The following SULF2 variants were observed in gnomAD, a reference collection of about 807,000 sequenced individuals.
SULF2 encodes the protein sulfatase 2.
In SULF2, 52 loss-of-function variants were observed where a neutral mutation model predicts 107.7. The observed-to-expected ratio is 0.48, with a 90% CI of 0.39 to 0.61. SULF2 has a LOEUF of 0.61. Among genes scored for constraint, SULF2 ranks in the 20% least tolerant of loss-of-function variants. SULF2 has a pLI of 0.00. For missense variants in SULF2, 993 were observed against 1,177.3 expected, an observed-to-expected ratio of 0.84 and a Z score of 2.29; for synonymous variants, 460 against 464.3, an observed-to-expected ratio of 0.99 and a Z score of 0.12.
At chr20:47,726,206 A>C (rs2089438961) in intron 3 of SULF2, among the ~76,000 whole-genome samples, 1 of 151,908 alleles carries the variant, frequency 6.6e-6, no homozygotes, top group Admixed American at 6.6e-5. Flanking sequence ...ATTAGGCTTT[A>C]TTCTTCTTTC....
chr20:47,670,137 A>G (rs749170220), intron 11 of SULF2, among the ~76,000 whole-genome samples: 3 of 152,200 alleles, frequency 2.0e-5, no homozygotes, highest in Non-Finnish European at 4.4e-5. Context: ...GCCTGCCGTC[A>G]GAGACCTCAA....
upstream of SULF2, chr20:47,785,963 G>T (rs1256578686): frequency 2.0e-5 from 3 of 152,418 alleles, no homozygotes; most frequent in South Asian, 2.0e-4. Context: ...GGCGGCTCTC[G>T]ACCTCCCGAT....
At chr20:47,723,659 G>A (rs2146710579) in intron 3 of SULF2, among the ~76,000 whole-genome samples, 1 of 152,326 alleles carries the variant, frequency 6.6e-6, no homozygotes, top group South Asian at 2.1e-4. Flanking sequence ...TGTGAACTGT[G>A]CATGCGGGGG....
At chr20:47,772,176 G>A (rs2090643089) in intron 1 of SULF2, among the ~76,000 whole-genome samples, 2 of 152,230 alleles carry the variant, frequency 1.3e-5, no homozygotes, top group African/African-American at 4.8e-5. Flanking sequence ...AGAAAGAAAA[G>A]TCTATCTTGG....
Position 47,659,661 on chromosome 20 carries a change from G to C in SULF2, c.2528+36C>G, listed in dbSNP as rs778217737. ...GACTGAAGGATGGGCCAAGATAGGAGAACTTTGTTTAGGCTTTAATAATAA... is the reference window on the plus strand; with the variant it reads ...GACTGAAGGATGGGCCAAGATAGGACAACTTTGTTTAGGCTTTAATAATAA... On this transcript the variant is annotated intron_variant, in intron 19 of 20. Transcript: ENST00000688720. 6 of 1,586,490 alleles carry C rather than the reference G, an allele frequency of 3.8e-6. No homozygotes were observed. In the East Asian group the frequency reaches 1.3e-4, roughly 35 times the overall value.
intron 11 of SULF2, among the ~76,000 whole-genome samples, chr20:47,671,868 C>A (rs1333237291): frequency 6.6e-6 from 1 of 152,040 alleles, no homozygotes; most frequent in East Asian, 1.9e-4. Context: ...GCGTGAGCCA[C>A]CACATCTGGC....
chr20:47,786,083 G>A (rs2090928264), upstream of SULF2: 1 of 152,248 alleles, frequency 6.6e-6, no homozygotes, highest in Admixed American at 6.5e-5. Flanking sequence ...CCTCGGCGGA[G>A]AGTTGAAACA....
intron 2 of SULF2, among the ~76,000 whole-genome samples, chr20:47,746,978 T>TTA (rs1317317602): frequency 0.095 from 4,450 of 46,878 alleles, 64 homozygotes; most frequent in South Asian, 0.15. Flanking sequence ...AGAACTTAAA[T>TTA]AAATAAAAAA....
In SULF2 at chr20:47,694,481, G is replaced by A. The variant is rs1218733864; in HGVS notation, c.568-4186C>T. On this transcript the variant is annotated intron_variant, in intron 4 of 20. Coordinates refer to ENST00000688720, the MANE Select transcript of SULF2 (RefSeq NM_001387048.1). This position sits in a 1 kb window ranked among gnomAD's most constrained non-coding sequence, Gnocchi z 4.4. ...ACCTGTGAGCAGGAGGGTGAGATGGGTGGAGGTCCACAGGCCCAGGTGCAT... is the reference window on the plus strand; with the variant it reads ...ACCTGTGAGCAGGAGGGTGAGATGGATGGAGGTCCACAGGCCCAGGTGCAT... Among the ~76,000 whole-genome samples the A allele has an allele frequency of 1.3e-5, 2 of 152,206 alleles. No homozygotes were observed. The highest frequency in any genetic ancestry group is 2.4e-5 in the African/African-American group (1 of 41,438).
At chr20:47,697,723 G>C (rs770739011) in intron 4 of SULF2, among the ~76,000 whole-genome samples, 6 of 152,204 alleles carry the variant, frequency 3.9e-5, no homozygotes, top group Non-Finnish European at 5.9e-5. Context: ...CATTCACAGG[G>C]GGAGATGTGT....
chr20:47,734,838 T>C (rs879649121), intron 3 of SULF2, among the ~76,000 whole-genome samples: 2 of 152,232 alleles, frequency 1.3e-5, no homozygotes, highest in East Asian at 1.9e-4. Context: ...TAATGAATCA[T>C]AGTTGAATAA....
chr20:47,741,635 T>C (rs574691009), intron 2 of SULF2, among the ~76,000 whole-genome samples: 1 of 152,332 alleles, frequency 6.6e-6, no homozygotes, highest in East Asian at 1.9e-4. Context: ...AAATATTTCT[T>C]AAATGCACGA....
At chr20:47,687,012 G>A (rs2088027279) in intron 5 of SULF2, among the ~76,000 whole-genome samples, 1 of 152,228 alleles carries the variant, frequency 6.6e-6, no homozygotes, top group Non-Finnish European at 1.5e-5. Flanking sequence ...GGGGGCAGCA[G>A]TCGGACAGAG....
In SULF2 at chr20:47,758,712, G is replaced by A. The variant is rs2146914348; in HGVS notation, c.-100-1249C>T. 2.0e-5 allele frequency among the ~76,000 whole-genome samples: 3 copies of A among 152,282 alleles called. No individual in the cohort carries two copies. The South Asian group carries it at 6.2e-4, about 32-fold the overall frequency. On this transcript the variant is annotated intron_variant, in intron 1 of 20. Coordinates refer to ENST00000688720, the MANE Select transcript of SULF2 (RefSeq NM_001387048.1). ...TCATTTTTTCACTTCTTGAGGAAAT[G>A]AGCCTTCAAGTCCTGTCCAGATATA...
chr20:47,776,950 CCT>C (rs1331087600), intron 1 of SULF2, among the ~76,000 whole-genome samples: 2 of 152,070 alleles, frequency 1.3e-5, no homozygotes, highest in African/African-American at 2.4e-5. Flanking sequence ...GCTCTCCAAG[CCT>C]CTTTCTTTTC....
chr20:47,748,855 T>C (rs2090103650), intron 2 of SULF2, among the ~76,000 whole-genome samples: 1 of 152,162 alleles, frequency 6.6e-6, no homozygotes, highest in South Asian at 2.1e-4. Context: ...CACTGCCCTA[T>C]CCCTAGTGGT....
chr20:47,675,987 C>T (rs1029920243), intron 10 of SULF2, among the ~76,000 whole-genome samples: 6 of 152,234 alleles, frequency 3.9e-5, no homozygotes, highest in African/African-American at 1.2e-4. Context: ...CCCGCCTCAG[C>T]TCTGGAGTAG....
At chr20:47,767,777 AAAC>A (rs1466834896) in intron 1 of SULF2, among the ~76,000 whole-genome samples, 1 of 152,014 alleles carries the variant, frequency 6.6e-6, no homozygotes, top group Non-Finnish European at 1.5e-5. Context: ...CGTGTCTCAA[AAAC>A]AACAAAAATT....
chr20:47,697,539 G>A (rs898487349), intron 4 of SULF2, among the ~76,000 whole-genome samples: 7 of 152,136 alleles, frequency 4.6e-5, no homozygotes, highest in South Asian at 2.1e-4. Context: ...TTCCCTTGAC[G>A]CTTGGGCTCC....
Sources: allele counts gnomAD v4.1 joint callset (sites outside exome capture counted in the v4.1 genomes callset), GRCh38; gene constraint gnomAD v4.1.1; non-coding constraint Gnocchi (gnomAD v3.1); transcripts MANE v1.5; gene names NCBI Gene and HGNC (gene_info 2026-07-23, HGNC 2026-07-21).